SYNPO2: variants seen among roughly 807,000 people sequenced by gnomAD.
SYNPO2 encodes synaptopodin-2.
A neutral mutation model predicts 85.0 loss-of-function variants in SYNPO2; 56 were observed. That is an observed-to-expected ratio of 0.66 (90% CI 0.53 to 0.82). The LOEUF (loss-of-function observed/expected upper bound fraction) is 0.82, where lower values mean the gene tolerates loss of function less well. SYNPO2 is among the 40% of genes least tolerant of loss of function. The pLI is 0.00. For missense variants in SYNPO2, 1,575 were observed against 1,534.2 expected (o/e 1.03, Z -0.44); for synonymous variants, 602 against 591.1 (o/e 1.02, Z -0.27).
intron 1 of SYNPO2, among the ~76,000 whole-genome samples, chr4:118,943,935 T>C (rs1002751826): frequency 1.3e-5 from 2 of 152,194 alleles, no homozygotes; most frequent in Non-Finnish European, 2.9e-5. Flanking sequence ...TTATGTTGCT[T>C]TCAGTGCTAC....
chr4:119,051,190 T>G (rs1486736843), intron 4 of SYNPO2, among the ~76,000 whole-genome samples: 2 of 134,892 alleles, frequency 1.5e-5, no homozygotes, highest in Admixed American at 7.4e-5. Context: ...GAAGCAATTT[T>G]TTTTTTTTTT....
intron 1 of SYNPO2, among the ~76,000 whole-genome samples, chr4:118,852,184 C>G (rs1731431357): frequency 6.6e-6 from 1 of 152,196 alleles, no homozygotes; most frequent in Non-Finnish European, 1.5e-5. Flanking sequence ...CCATCTCACA[C>G]TAGTCAGAAT....
chr4:119,029,279 G>A (rs1738110754), intron 3 of SYNPO2, among the ~76,000 whole-genome samples: 1 of 151,964 alleles, frequency 6.6e-6, no homozygotes, highest in African/African-American at 2.4e-5. Flanking sequence ...GGAAAGATTT[G>A]GGGTGGTTGT....
intron 4 of SYNPO2, chr4:119,034,906 T>G (rs1350152418): frequency 1.0e-6 from 1 of 985,406 alleles, no homozygotes; most frequent in Non-Finnish European, 1.2e-6. Flanking sequence ...GTGTTGGTAT[T>G]AGCTTGATTG....
At chr4:119,041,807 T>C (rs1738723419) in intron 4 of SYNPO2, among the ~76,000 whole-genome samples, 1 of 152,220 alleles carries the variant, frequency 6.6e-6, no homozygotes, top group Non-Finnish European at 1.5e-5. Context: ...GTTCCTAGTG[T>C]AAAATTAAGA....
intron 4 of SYNPO2, chr4:119,038,621 C>T: frequency 1.1e-6 from 1 of 917,910 alleles, no homozygotes; most frequent in African/African-American, 1.8e-5. Context: ...GCTACTAAAC[C>T]AATAATAACT....
chr4:118,955,522 A>G (rs537065360), intron 1 of SYNPO2, among the ~76,000 whole-genome samples: 5 of 152,284 alleles, frequency 3.3e-5, no homozygotes, highest in Admixed American at 1.3e-4. Context: ...ATTCTTAGGA[A>G]GAAAACTATT....
chr4:118,889,685 A>C (rs1269821568), intron 1 of SYNPO2, among the ~76,000 whole-genome samples: 2 of 152,234 alleles, frequency 1.3e-5, no homozygotes, highest in Non-Finnish European at 2.9e-5. Flanking sequence ...CCTTTTAAGG[A>C]TTTGACAAAT....
chr4:118,985,777 G>A (rs755017981), intron 1 of SYNPO2, among the ~76,000 whole-genome samples: 24 of 152,178 alleles, frequency 1.6e-4, no homozygotes, highest in Admixed American at 5.9e-4. Flanking sequence ...ATCCCTGATC[G>A]AGGATCTAAT....
At chr4:118,900,670 T>C (rs922073240) in intron 1 of SYNPO2, among the ~76,000 whole-genome samples, 3 of 54,430 alleles carry the variant, frequency 5.5e-5, no homozygotes, top group Admixed American at 2.1e-4. Flanking sequence ...TCTTTCTCTC[T>C]CTCTCTCTCT....
rs761609046 is a variant in SYNPO2, at chr4:119,030,627, G to C, written c.1852G>C (p.Ala618Pro). The C allele has an allele frequency of 6.2e-7, 1 of 1,614,048 alleles. No individual in the cohort carries two copies. Among genetic ancestry groups the C allele is most frequent in the Non-Finnish European group, 8.5e-7 (1 of 1,180,020 alleles). ...GACGAGTCCCATTGCTGACTTTCCTGCACCTCCACCTTACTCTGCAGTCAC... is the reference window on the plus strand; with the variant it reads ...GACGAGTCCCATTGCTGACTTTCCTCCACCTCCACCTTACTCTGCAGTCAC... ...NMTSPIADFP[A>P]PPPYSAVTPP... The change falls in exon 4 of 5, where the codon GCA becomes CCA. Residue 618 changes from alanine to proline, a missense_variant. Ala to Pro is a conservative substitution (Grantham distance 27). Transcript: ENST00000307142.
At chr4:119,029,026 C>G (rs1299436818) in intron 3 of SYNPO2, among the ~76,000 whole-genome samples, 2 of 151,750 alleles carry the variant, frequency 1.3e-5, no homozygotes, top group African/African-American at 4.8e-5. Flanking sequence ...AGTTTTTACA[C>G]AGTTAAGTGG....
Position 118,895,495 on chromosome 4 carries a change from C to T in SYNPO2, c.105+6354C>T, listed in dbSNP as rs75066144. ...AAATTCTGGAGCATGTGTATGGTTT[C>T]TTCCGGGAGAGCTAGAGGGCCTCAT... On this transcript the variant is annotated intron_variant, in intron 1 of 4. Coordinates refer to ENST00000307142, the MANE Select transcript of SYNPO2 (RefSeq NM_133477.3). 3.5e-3 allele frequency among the ~76,000 whole-genome samples: 527 copies of T among 152,266 alleles called. 5 individuals are homozygous for T. The highest frequency in any genetic ancestry group is 0.012 in the African/African-American group (490 of 41,554).
rs373908015 is a variant in SYNPO2, at chr4:119,061,130, T to G, written c.*3196T>G. The G allele has an allele frequency of 4.6e-5, 7 of 152,312 alleles. No individual in the cohort carries two copies. The East Asian group carries it at 1.2e-3, about 25-fold the overall frequency. 9.4% of individuals were successfully genotyped at this position (152,312 alleles called of 1,614,324 possible). ...CACACTTTTCTATTTTAAAAAATTG[T>G]GTTCTCTTGTTAAATAGATTAACAT... On this transcript the variant is annotated 3_prime_UTR_variant, in exon 5 of 5. Coordinates refer to ENST00000307142, the MANE Select transcript of SYNPO2 (RefSeq NM_133477.3).
intron 1 of SYNPO2, among the ~76,000 whole-genome samples, chr4:119,019,738 T>C (rs1393867341): frequency 6.6e-6 from 1 of 152,170 alleles, no homozygotes; most frequent in Non-Finnish European, 1.5e-5. Flanking sequence ...GGTAGTAGCG[T>C]AACTCATCTA....
intron 1 of SYNPO2, among the ~76,000 whole-genome samples, chr4:118,902,352 G>A (rs1053330831): frequency 6.6e-6 from 1 of 152,164 alleles, no homozygotes; most frequent in African/African-American, 2.4e-5. Flanking sequence ...TAAAGAAAAA[G>A]AGGTTTAATG....
intron 1 of SYNPO2, among the ~76,000 whole-genome samples, chr4:118,893,899 T>C (rs1732455493): frequency 6.6e-6 from 1 of 152,050 alleles, no homozygotes; most frequent in African/African-American, 2.4e-5. Flanking sequence ...TTTGAGGTGA[T>C]GGATATGCTA....
At chr4:118,888,144 G>A (rs947600351), upstream of SYNPO2, among the ~76,000 whole-genome samples, 3 of 152,096 alleles carry the variant, frequency 2.0e-5, no homozygotes, top group Non-Finnish European at 2.9e-5. Flanking sequence ...TTGGGTTTGG[G>A]TTTAAGAAGA....
intron 4 of SYNPO2, among the ~76,000 whole-genome samples, chr4:119,046,322 T>TA (rs139591703): frequency 0.083 from 12,610 of 152,130 alleles, 669 homozygotes; most frequent in South Asian, 0.18. Flanking sequence ...ACAGAAGGTT[T>TA]AAAAAAAATC....
Sources: allele counts gnomAD v4.1 joint callset (sites outside exome capture counted in the v4.1 genomes callset), GRCh38; gene constraint gnomAD v4.1.1; transcripts MANE v1.5; gene names NCBI Gene and HGNC (gene_info 2026-07-23, HGNC 2026-07-21).